PLCH1: variants seen among roughly 807,000 people sequenced by gnomAD.
PLCH1 encodes phospholipase C eta 1, also known as 1-phosphatidylinositol 4,5-bisphosphate phosphodiesterase eta-1.
A neutral mutation model predicts 126.7 loss-of-function variants in PLCH1; 60 were observed. The observed-to-expected ratio is 0.47, with a 90% confidence interval of 0.38 to 0.59. The LOEUF (loss-of-function observed/expected upper bound fraction) is 0.59, where lower values mean the gene tolerates loss of function less well. PLCH1 is among the 20% of genes least tolerant of loss of function. The probability of loss-of-function intolerance (pLI) is 0.00; values close to 1 mark genes in which losing one functional copy is unlikely to be tolerated. For missense variants in PLCH1, 1,723 were observed against 2,040.0 expected (o/e 0.84, Z 2.99); for synonymous variants, 719 against 734.9 (o/e 0.98, Z 0.35).
At chr3:155,462,826 A>C (rs1280326437) in intron 21 of PLCH1, among the ~76,000 whole-genome samples, 1 of 152,196 alleles carries the variant, frequency 6.6e-6, no homozygotes, top group Non-Finnish European at 1.5e-5. Flanking sequence ...CCCAGCTGGC[A>C]TGGAGAGACT....
intron 2 of PLCH1, among the ~76,000 whole-genome samples, chr3:155,641,841 G>A (rs1011701150): frequency 1.3e-5 from 2 of 151,790 alleles, no homozygotes; most frequent in African/African-American, 4.8e-5. Context: ...AAACCCAAAG[G>A]CTTTCCTGGC....
intron 22 of PLCH1, 119 bp downstream of exon 22, chr3:155,485,237 T>A: frequency 1.5e-6 from 1 of 649,874 alleles, no homozygotes; most frequent in Non-Finnish European, 2.7e-6. Flanking sequence ...CATTACAAAG[T>A]ATTTATTTTT....
At chr3:155,451,146 G>A (rs1386897292) in intron 21 of PLCH1, among the ~76,000 whole-genome samples, 1 of 151,732 alleles carries the variant, frequency 6.6e-6, no homozygotes, top group African/African-American at 2.4e-5. Flanking sequence ...AATCATTCAA[G>A]AAATAAATAA....
intron 19 of PLCH1, among the ~76,000 whole-genome samples, 169 bp from the exon 20 acceptor site, chr3:155,488,975 T>C (rs1470309074): frequency 6.6e-6 from 1 of 152,190 alleles, no homozygotes; most frequent in Admixed American, 6.5e-5. Context: ...AGCCTCGAAA[T>C]TTACCCCCTT....
intron 11 of PLCH1, among the ~76,000 whole-genome samples, chr3:155,522,887 CT>C (rs1307566488): frequency 7.5e-6 from 1 of 133,398 alleles, no homozygotes; most frequent in African/African-American, 2.8e-5. Flanking sequence ...GATGAGGCAT[CT>C]TTTTAAGTCT....
intron 1 of PLCH1, among the ~76,000 whole-genome samples, chr3:155,709,050 A>G (rs572674875): frequency 1.3e-5 from 2 of 152,182 alleles, no homozygotes; most frequent in East Asian, 1.9e-4. Flanking sequence ...GCCTTTTCCA[A>G]TTGGCTTCTC....
intron 1 of PLCH1, among the ~76,000 whole-genome samples, chr3:155,720,934 A>G (rs1343626301): frequency 6.6e-6 from 1 of 152,316 alleles, no homozygotes; most frequent in East Asian, 1.9e-4. Context: ...TCATTCTTCT[A>G]CATGTGGTTT....
chr3:155,600,280 T>A (rs1424080390), intron 2 of PLCH1, among the ~76,000 whole-genome samples: 1 of 152,196 alleles, frequency 6.6e-6, no homozygotes, highest in Non-Finnish European at 1.5e-5. Context: ...CTCATCTAGA[T>A]CATTTACGTG....
intron 21 of PLCH1, chr3:155,457,779 T>C (rs1207945954): frequency 1.3e-5 from 2 of 152,218 alleles, no homozygotes; most frequent in Non-Finnish European, 2.9e-5. Context: ...TTAAATATGC[T>C]GACTGAGCTG....
chr3:155,548,747 A>C (rs114300025), intron 10 of PLCH1, among the ~76,000 whole-genome samples: 1,661 of 152,296 alleles, frequency 0.011, 14 homozygotes, highest in Middle Eastern at 0.027. Flanking sequence ...CATTATGTGG[A>C]GCTTTTATTC....
intron 2 of PLCH1, among the ~76,000 whole-genome samples, chr3:155,635,936 TA>T (rs1332093856): frequency 1.3e-5 from 2 of 152,362 alleles, no homozygotes; most frequent in East Asian, 3.9e-4. Context: ...AAAATTAGTT[TA>T]TTTAGCAATT....
intron 6 of PLCH1, among the ~76,000 whole-genome samples, chr3:155,577,757 G>T (rs1730171501): frequency 6.6e-6 from 1 of 152,176 alleles, no homozygotes; most frequent in Non-Finnish European, 1.5e-5. Context: ...AAACTAAAAT[G>T]AGAGAAGAAA....
chr3:155,526,390 TTCTTTCTCTCTCTC>T (rs146716450), intron 10 of PLCH1, among the ~76,000 whole-genome samples: 31,013 of 149,578 alleles, frequency 0.21, 4,151 homozygotes, highest in African/African-American at 0.38. Flanking sequence ...TCTCTCTCTC[TTCTTTCTCTCTCTC>T]TCTTTCTCTC....
chr3:155,499,536 A>C (rs954413657), intron 14 of PLCH1, among the ~76,000 whole-genome samples: 1 of 152,206 alleles, frequency 6.6e-6, no homozygotes, highest in African/African-American at 2.4e-5. Flanking sequence ...TTAGGTTACT[A>C]AAGTCCCAAA....
chr3:155,485,801 A>G, intron 21 of PLCH1, 91 bp from the exon 22 acceptor site: 1 of 750,420 alleles, frequency 1.3e-6, no homozygotes, highest in Non-Finnish European at 2.1e-6. Flanking sequence ...AAAAATGAAT[A>G]TAAACCAAAA....
chr3:155,675,250 G>A (rs892636715), intron 2 of PLCH1, among the ~76,000 whole-genome samples: 4 of 152,180 alleles, frequency 2.6e-5, no homozygotes, highest in Non-Finnish European at 5.9e-5. Flanking sequence ...TGAATAACCT[G>A]AAATGACAGA....
intron 1 of PLCH1, among the ~76,000 whole-genome samples, chr3:155,740,737 C>A (rs1749562916): frequency 6.6e-6 from 1 of 152,158 alleles, no homozygotes. Flanking sequence ...TATCTGTCTG[C>A]CCTCCCTAGA....
intron 20 of PLCH1, 90 bp downstream of exon 20, chr3:155,488,570 A>T: frequency 9.3e-7 from 1 of 1,072,332 alleles, no homozygotes. Flanking sequence ...TTTATCACGT[A>T]TGCTATTATG....
At chr3:155,588,426 G>C (rs1238060072) in intron 4 of PLCH1, among the ~76,000 whole-genome samples, 1 of 152,064 alleles carries the variant, frequency 6.6e-6, no homozygotes, top group Non-Finnish European at 1.5e-5. Context: ...CACCCACTTC[G>C]GGCTTTCAAC....
Sources: allele counts gnomAD v4.1 joint callset (sites outside exome capture counted in the v4.1 genomes callset), GRCh38; gene constraint gnomAD v4.1.1; transcripts MANE v1.5; gene names NCBI Gene and HGNC (gene_info 2026-07-23, HGNC 2026-07-21).